SGCZ: variants seen among roughly 807,000 people sequenced by gnomAD.
SGCZ encodes sarcoglycan zeta, also known as zeta-sarcoglycan.
A neutral mutation model predicts 41.3 loss-of-function variants in SGCZ; 40 were observed. The ratio of observed to expected loss-of-function variants is 0.97; its 90% CI spans 0.75 to 1.26. The LOEUF (loss-of-function observed/expected upper bound fraction) is 1.26. Among genes scored for constraint, SGCZ ranks in the 50% most tolerant of loss-of-function variants. SGCZ has a pLI of 0.00. For missense variants in SGCZ, 552 were observed against 369.8 expected, an observed-to-expected ratio of 1.49 and a Z score of -4.04; for synonymous variants, 206 against 137.5, an observed-to-expected ratio of 1.50 and a Z score of -3.49.
At chr8:14,490,113 G>C (rs10104172) in intron 2 of SGCZ, among the ~76,000 whole-genome samples, 2,933 of 152,080 alleles carry the variant, frequency 0.019, 59 homozygotes, top group African/African-American at 0.048. Context: ...TGATCCACCC[G>C]CCTTGGCCTT....
chr8:14,600,438 T>G (rs1379639197), intron 1 of SGCZ, among the ~76,000 whole-genome samples: 1 of 152,188 alleles, frequency 6.6e-6, no homozygotes, highest in East Asian at 1.9e-4. Context: ...GCAGAGATTA[T>G]TCTACACAGA....
intron 1 of SGCZ, among the ~76,000 whole-genome samples, chr8:15,002,402 C>T (rs562996738): frequency 3.9e-5 from 6 of 152,178 alleles, no homozygotes; most frequent in South Asian, 2.1e-4. Context: ...TCATATAGTA[C>T]GTTTTATTTT....
At chr8:14,159,332 C>T (rs1443863551) in intron 5 of SGCZ, among the ~76,000 whole-genome samples, 2 of 151,958 alleles carry the variant, frequency 1.3e-5, no homozygotes, top group Admixed American at 1.3e-4. Flanking sequence ...ATTATATTTT[C>T]AAGAAGTTTT....
chr8:14,824,175 T>C (rs939085888), intron 1 of SGCZ, among the ~76,000 whole-genome samples: 1 of 152,088 alleles, frequency 6.6e-6, no homozygotes, highest in East Asian at 1.9e-4. Flanking sequence ...AATTCTGGCA[T>C]TCCACTGCAC....
At chr8:15,068,792 A>T (rs1805245207) in intron 1 of SGCZ, among the ~76,000 whole-genome samples, 1 of 152,178 alleles carries the variant, frequency 6.6e-6, no homozygotes, top group African/African-American at 2.4e-5. Context: ...TCATTTAAAA[A>T]ATGTCCTCAG....
chr8:14,758,199 G>A (rs1202051725), intron 1 of SGCZ, among the ~76,000 whole-genome samples: 1 of 152,134 alleles, frequency 6.6e-6, no homozygotes, highest in African/African-American at 2.4e-5. Flanking sequence ...AATCTCATCT[G>A]CCTGGTTTAC....
intron 1 of SGCZ, among the ~76,000 whole-genome samples, chr8:14,748,283 G>A (rs573229524): frequency 6.6e-6 from 1 of 152,108 alleles, no homozygotes; most frequent in Non-Finnish European, 1.5e-5. Flanking sequence ...AAAGAATTCA[G>A]ACCCAAGTTG....
intron 3 of SGCZ, among the ~76,000 whole-genome samples, chr8:14,320,169 GTGATTAC>G (rs1233131268): frequency 3.3e-5 from 5 of 151,102 alleles, no homozygotes; most frequent in Non-Finnish European, 1.5e-5. Flanking sequence ...CTTGACTAAA[GTGATTAC>G]TGATTAATGT....
intron 2 of SGCZ, among the ~76,000 whole-genome samples, chr8:14,488,050 T>C (rs552046398): frequency 6.6e-6 from 1 of 152,398 alleles, no homozygotes; most frequent in South Asian, 2.1e-4. Flanking sequence ...CCTAAGTCCC[T>C]GAGGCTCCCA....
chr8:14,598,614 AC>A (rs559603811), intron 1 of SGCZ, among the ~76,000 whole-genome samples: 4 of 150,928 alleles, frequency 2.7e-5, no homozygotes, highest in Admixed American at 1.3e-4. Context: ...TGCAGACTCG[AC>A]CCCCCCGGGC....
At chr8:15,125,521 T>A (rs1313611258) in intron 1 of SGCZ, among the ~76,000 whole-genome samples, 1 of 152,218 alleles carries the variant, frequency 6.6e-6, no homozygotes, top group Non-Finnish European at 1.5e-5. Context: ...ATGCTTCTAA[T>A]TATCTTACTT....
intron 1 of SGCZ, among the ~76,000 whole-genome samples, chr8:15,002,202 T>TAAAAA (rs5889559): frequency 5.5e-5 from 8 of 146,500 alleles, no homozygotes; most frequent in African/African-American, 2.0e-4. Flanking sequence ...TAGTCAGCTC[T>TAAAAA]AAAAAAAAAA....
intron 2 of SGCZ, among the ~76,000 whole-genome samples, chr8:14,531,113 T>A (rs1803116431): frequency 6.6e-6 from 1 of 151,966 alleles, no homozygotes; most frequent in South Asian, 2.1e-4. Context: ...CAGCCCCTGA[T>A]TAGTACCGGG....
intron 1 of SGCZ, among the ~76,000 whole-genome samples, chr8:15,023,610 T>C (rs986587061): frequency 6.6e-6 from 1 of 152,196 alleles, no homozygotes; most frequent in African/African-American, 2.4e-5. Flanking sequence ...GAAAGCTTTA[T>C]AGAAATGTGA....
At chr8:14,767,131 G>A (rs996610434) in intron 1 of SGCZ, among the ~76,000 whole-genome samples, 4 of 151,902 alleles carry the variant, frequency 2.6e-5, no homozygotes, top group African/African-American at 4.8e-5. Flanking sequence ...ATTCAGAATC[G>A]GGGCTAGGCT....
At chr8:14,963,052 A>G (rs1341683687) in intron 1 of SGCZ, among the ~76,000 whole-genome samples, 1 of 152,152 alleles carries the variant, frequency 6.6e-6, no homozygotes, top group East Asian at 1.9e-4. Flanking sequence ...ATTTTATTTG[A>G]TTTCTGAATG....
intron 1 of SGCZ, among the ~76,000 whole-genome samples, chr8:14,766,308 A>C (rs1478303065): frequency 6.6e-6 from 1 of 152,054 alleles, no homozygotes; most frequent in Non-Finnish European, 1.5e-5. Context: ...AAAAATAAAA[A>C]TATATATATT....
chr8:14,090,565 A>T lies in SGCZ; in HGVS notation c.817T>A (p.Ser273Thr). 6.2e-7 allele frequency: 1 copy of T among 1,613,050 alleles called. No homozygotes were observed. The highest frequency in any genetic ancestry group is 8.5e-7 in the Non-Finnish European group (1 of 1,179,456). Reference sequence around the variant, plus strand: ...TACACTGTCTGTCGAGAACTTGAGGAGCTGGGTGAAGAAGATGAGAAGGAG... The same window carrying T: ...TACACTGTCTGTCGAGAACTTGAGGTGCTGGGTGAAGAAGATGAGAAGGAG... ...TGSFSSSSPS[S>T]SSSRQTVYEL... The change falls in exon 8 of 8, where the codon TCC (serine) becomes ACC (threonine). Residue 273 changes from serine to threonine, a missense_variant. Ser to Thr is a moderately conservative substitution (Grantham distance 58). Coordinates refer to ENST00000382080, the MANE Select transcript of SGCZ (RefSeq NM_139167.4).
intron 2 of SGCZ, among the ~76,000 whole-genome samples, chr8:14,414,440 T>A (rs1430689311): frequency 2.0e-5 from 3 of 151,964 alleles, no homozygotes; most frequent in Non-Finnish European, 4.4e-5. Context: ...ATGTTGATTA[T>A]GTAAATCTCA....
Sources: allele counts gnomAD v4.1 joint callset (sites outside exome capture counted in the v4.1 genomes callset), GRCh38; gene constraint gnomAD v4.1.1; transcripts MANE v1.5; gene names NCBI Gene and HGNC (gene_info 2026-07-23, HGNC 2026-07-21).